MAML2: variants seen among roughly 807,000 people sequenced by gnomAD.
The protein encoded by MAML2 is mastermind-like protein 2.
Under a neutral mutation model 96.1 loss-of-function variants are expected in MAML2, and 22 were observed. The ratio of observed to expected loss-of-function variants is 0.23; its 90% CI spans 0.16 to 0.33. The LOEUF (loss-of-function observed/expected upper bound fraction) is 0.33, where lower values mean the gene tolerates loss of function less well. MAML2 is among the 10% of genes least tolerant of loss of function. The pLI is 1.00. For missense variants in MAML2, 1,367 were observed against 1,392.4 expected (o/e 0.98, Z 0.29); for synonymous variants, 561 against 521.3 (o/e 1.08, Z -1.04).
At chr11:96,170,263 GC>G (rs901879733) in intron 1 of MAML2, among the ~76,000 whole-genome samples, 3 of 152,134 alleles carry the variant, frequency 2.0e-5, no homozygotes, top group Non-Finnish European at 4.4e-5. Context: ...TCCCTCCTCT[GC>G]CCATATCATG....
Position 95,979,004 on chromosome 11 carries a change from T to C in MAML2, c.3415A>G (p.Asn1139Asp). The C allele has an allele frequency of 6.2e-7, 1 of 1,613,934 alleles. No individual in the cohort carries two copies. Among genetic ancestry groups the C allele is most frequent in the Non-Finnish European group, 8.5e-7 (1 of 1,179,866 alleles). ...TTGATGTCTTTCATCCAGTCATCAT[T>C]ACCAGGCTCTGTCTTCAATAAAGAA... The part of the protein sequence containing the change: ...IDSLLKTEPG[N>D]DDWMKDINLD... Residue 1139 changes from asparagine to aspartate, a missense_variant, in exon 5 of 5, where the codon AAT (asparagine) becomes GAT (aspartate). By Grantham distance (23) the Asn-to-Asp change is conservative (BLOSUM62 1). Transcript: ENST00000524717.
At chr11:96,132,581 G>A (rs141393100) in intron 1 of MAML2, among the ~76,000 whole-genome samples, 1 of 125,588 alleles carries the variant, frequency 8.0e-6, no homozygotes, top group Admixed American at 7.7e-5. Context: ...ATCTGTTCAT[G>A]TGTGTTTGCC....
At chr11:96,288,293 G>C (rs900544665) in intron 1 of MAML2, among the ~76,000 whole-genome samples, 1 of 152,170 alleles carries the variant, frequency 6.6e-6, no homozygotes. Flanking sequence ...GTATAAAACA[G>C]ATAAATGGGA....
chr11:96,180,210 AC>A (rs1054836055), intron 1 of MAML2, among the ~76,000 whole-genome samples: 3 of 152,072 alleles, frequency 2.0e-5, no homozygotes, highest in African/African-American at 7.2e-5. Flanking sequence ...TTTCTAAAGG[AC>A]CACAGCAATA....
At chr11:96,123,218 C>T (rs1249505767) in intron 1 of MAML2, among the ~76,000 whole-genome samples, 2 of 152,176 alleles carry the variant, frequency 1.3e-5, no homozygotes, top group Non-Finnish European at 2.9e-5. Flanking sequence ...CCTAAGCAGC[C>T]CCGTAAAGGC....
chr11:96,304,794 C>T (rs1016164778), intron 1 of MAML2, among the ~76,000 whole-genome samples: 17 of 152,124 alleles, frequency 1.1e-4, no homozygotes, highest in African/African-American at 3.9e-4. Flanking sequence ...TGATGTTACA[C>T]CACTGTGATT....
intron 2 of MAML2, among the ~76,000 whole-genome samples, chr11:96,086,241 G>T (rs1345094725): frequency 6.6e-6 from 1 of 152,182 alleles, no homozygotes; most frequent in African/African-American, 2.4e-5. Flanking sequence ...CTGGCACATT[G>T]TAGGTGCTCA....
chr11:96,026,839 G>T (rs1858530500), intron 2 of MAML2, among the ~76,000 whole-genome samples: 1 of 139,632 alleles, frequency 7.2e-6, no homozygotes, highest in African/African-American at 2.7e-5. Context: ...AAAAAAAAAG[G>T]TATCTTATAC....
At chr11:96,129,165 A>G (rs1283468083) in intron 1 of MAML2, among the ~76,000 whole-genome samples, 2 of 152,176 alleles carry the variant, frequency 1.3e-5, no homozygotes, top group Non-Finnish European at 2.9e-5. Flanking sequence ...AGAGATTTGC[A>G]TTATTCTATA....
At chr11:96,246,624 C>G (rs537637613) in intron 1 of MAML2, among the ~76,000 whole-genome samples, 1 of 152,238 alleles carries the variant, frequency 6.6e-6, no homozygotes, top group Admixed American at 6.5e-5. Context: ...TGAGAAGACT[C>G]CTGCATTGTT....
chr11:96,118,808 C>T (rs567987685), intron 1 of MAML2, among the ~76,000 whole-genome samples: 19 of 152,052 alleles, frequency 1.2e-4, no homozygotes, highest in African/African-American at 3.9e-4. Flanking sequence ...TGAGTATGTC[C>T]GATGAACAGC....
intron 1 of MAML2, among the ~76,000 whole-genome samples, chr11:96,138,628 G>A (rs974181868): frequency 6.6e-6 from 1 of 152,066 alleles, no homozygotes. Flanking sequence ...AAGATGGGGG[G>A]GTTGGTGAAT....
intron 1 of MAML2, among the ~76,000 whole-genome samples, chr11:96,176,830 A>AT (rs1025957258): frequency 1.3e-5 from 2 of 152,162 alleles, no homozygotes; most frequent in Admixed American, 1.3e-4. Context: ...AGGAGCTTCA[A>AT]TGTAGTGATA....
intron 1 of MAML2, among the ~76,000 whole-genome samples, chr11:96,170,654 T>C (rs2135899744): frequency 6.6e-6 from 1 of 152,340 alleles, no homozygotes; most frequent in African/African-American, 2.4e-5. Context: ...CCTTGGCTAA[T>C]GCATGGGGCT....
At position 96,093,048 on chromosome 11, in the gene MAML2, T is replaced by C. The variant is rs751921628; in HGVS notation, c.983A>G (p.Asn328Ser). Reference sequence around the variant, plus strand: ...CTGCTTTATGGTGGCATTGATCATGTTCTCCAGTTCAAGGTCACTCATGGG... The same window carrying C: ...CTGCTTTATGGTGGCATTGATCATGCTCTCCAGTTCAAGGTCACTCATGGG... ...VPPMSDLELE[N>S]MINATIKQDD... Residue 328 changes from asparagine (N) to serine (S), a missense_variant, in exon 2 of 5, where the codon AAC becomes AGC. Physicochemically the swap from Asn to Ser is conservative, Grantham distance 46. Transcript: ENST00000524717. The C allele has an allele frequency of 6.2e-7, 1 of 1,614,058 alleles. No homozygotes were observed. Among genetic ancestry groups the C allele is most frequent in the Non-Finnish European group, 8.5e-7 (1 of 1,179,902 alleles).
chr11:96,017,473 G>C (rs1212079107), intron 2 of MAML2, among the ~76,000 whole-genome samples: 2 of 151,584 alleles, frequency 1.3e-5, no homozygotes, highest in East Asian at 3.9e-4. Context: ...AATAACTGGG[G>C]TTATAGTGGT....
At chr11:95,993,564 C>G (rs1857948546) in intron 2 of MAML2, among the ~76,000 whole-genome samples, 2 of 151,068 alleles carry the variant, frequency 1.3e-5, no homozygotes, top group Admixed American at 6.6e-5. Flanking sequence ...GAGCAAGACT[C>G]TGTCTCAAAA....
At chr11:96,066,382 A>C (rs1024164261) in intron 2 of MAML2, among the ~76,000 whole-genome samples, 1 of 152,202 alleles carries the variant, frequency 6.6e-6, no homozygotes, top group Admixed American at 6.5e-5. Context: ...GGAGAAGATC[A>C]AGGTCTCCAT....
chr11:96,164,970 A>G (rs1353769401), intron 1 of MAML2, among the ~76,000 whole-genome samples: 1 of 152,224 alleles, frequency 6.6e-6, no homozygotes, highest in Non-Finnish European at 1.5e-5. Context: ...TTTCCATTAT[A>G]TAAATAATAG....
Sources: gnomAD v4.1 joint callset for allele counts (sites outside exome capture counted in the v4.1 genomes callset) on GRCh38, gnomAD v4.1.1 for gene constraint, MANE v1.5 for transcripts, NCBI Gene and HGNC (gene_info 2026-07-23, HGNC 2026-07-21) for gene names.